The following DYTN variants were observed in gnomAD, a reference collection of about 807,000 sequenced individuals.
The protein encoded by DYTN is dystrotelin.
In DYTN, 75 loss-of-function variants were observed where a neutral mutation model predicts 69.6. The observed-to-expected ratio is 1.08, with a 90% CI of 0.89 to 1.31. The LOEUF (loss-of-function observed/expected upper bound fraction) is 1.31, where lower values mean the gene tolerates loss of function less well. DYTN is among the 50% of genes most tolerant of loss of function. The probability of loss-of-function intolerance (pLI) is 0.00; values close to 1 mark genes in which losing one functional copy is unlikely to be tolerated. For synonymous variants in DYTN, 252 were observed against 249.1 expected (o/e 1.01, Z -0.11); for missense variants, 726 against 688.4 (o/e 1.05, Z -0.61).
Position 206,699,812 on chromosome 2 carries a change from T to C in DYTN, c.634A>G (p.Thr212Ala). 1 of 1,613,766 alleles carries C rather than the reference T, an allele frequency of 6.2e-7. No homozygotes were observed. Among genetic ancestry groups the C allele is most frequent in the Non-Finnish European group, 8.5e-7 (1 of 1,179,806 alleles). The change falls in exon 7 of 12, where the codon ACC becomes GCC. Residue 212 changes from threonine to alanine, a missense_variant. Thr to Ala is a moderately conservative substitution (Grantham distance 58). Transcript: ENST00000452335. ...SEPPILLWLP[T>A]CHRLSAAERV... ...TCAGCAGCTGATAACCGGTGGCAGG[T>C]CGGGAGCCACAGGAGGATGGGAGGC... is the stretch of plus-strand genomic sequence containing the variant.
intron 1 of DYTN, among the ~76,000 whole-genome samples, chr2:206,713,474 G>T (rs577040375): frequency 1.1e-4 from 16 of 152,162 alleles, no homozygotes; most frequent in Non-Finnish European, 1.8e-4. Flanking sequence ...ATTAGCTTTG[G>T]TAAGAAGCCA....
chr2:206,683,642 C>T (rs1212862010), intron 9 of DYTN, among the ~76,000 whole-genome samples: 1 of 152,106 alleles, frequency 6.6e-6, no homozygotes, highest in Non-Finnish European at 1.5e-5. Context: ...CCGCGCCCTG[C>T]CTTATTTCTT....
chr2:206,711,014 A>G (rs1268133395), intron 1 of DYTN, among the ~76,000 whole-genome samples: 1 of 152,236 alleles, frequency 6.6e-6, no homozygotes, highest in Non-Finnish European at 1.5e-5. Flanking sequence ...TTTAGCCAAT[A>G]TTTATTGAGC....
At chr2:206,667,045 TA>T (rs2105889473) in intron 9 of DYTN, among the ~76,000 whole-genome samples, 1 of 152,130 alleles carries the variant, frequency 6.6e-6, no homozygotes, top group South Asian at 2.1e-4. Flanking sequence ...ACCCTGTCTC[TA>T]AAAAAATATG....
chr2:206,684,739 C>T (rs1422238470), intron 9 of DYTN, among the ~76,000 whole-genome samples: 4 of 152,030 alleles, frequency 2.6e-5, no homozygotes, highest in African/African-American at 9.7e-5. Context: ...TCACCCACCT[C>T]TTCTTCCCCA....
intron 6 of DYTN, 56 bp from the exon 7 acceptor site, chr2:206,699,946 T>C (rs1699959499): frequency 6.3e-7 from 1 of 1,576,510 alleles, no homozygotes; most frequent in Non-Finnish European, 8.6e-7. Flanking sequence ...ATATTTTCAT[T>C]TTCTTTTCTG....
chr2:206,657,958 T>G (rs1699468368), intron 11 of DYTN, among the ~76,000 whole-genome samples: 1 of 152,166 alleles, frequency 6.6e-6, no homozygotes. Flanking sequence ...TCTGACCCTT[T>G]CTTTCTCCTC....
intron 9 of DYTN, 58 bp from the exon 10 acceptor site, chr2:206,666,087 G>C: frequency 2.5e-6 from 4 of 1,579,854 alleles, no homozygotes; most frequent in Non-Finnish European, 3.4e-6. Flanking sequence ...ACACTAATTA[G>C]AGCCCTGGTA....
chr2:206,704,941 G>T lies in DYTN; in HGVS notation c.385C>A (p.Leu129Ile), dbSNP rs1256190647. Reference protein sequence around the residue: ...GDSPLSKYRALFQLYAENSRG... With the variant: ...GDSPLSKYRAIFQLYAENSRG... ...CTATTTTCTGCATAGAGTTGAAAAA[G>T]AGCTAGACATGTAGGAGGAACAATC... is the stretch of plus-strand genomic sequence containing the variant. The change falls in exon 5 of 12, where the codon CTT (leucine) becomes ATT (isoleucine). Residue 129 changes from leucine (L) to isoleucine (I), a missense_variant and splice_region_variant. Leu to Ile is a conservative substitution (Grantham distance 5). Coordinates refer to ENST00000452335, the MANE Select transcript of DYTN (RefSeq NM_001093730.1). 6.2e-7 allele frequency: 1 copy of T among 1,612,988 alleles called. No homozygotes were observed. Among genetic ancestry groups the T allele is most frequent in the Admixed American group, 1.7e-5 (1 of 59,966 alleles).
intron 9 of DYTN, among the ~76,000 whole-genome samples, chr2:206,669,430 T>G (rs1185484779): frequency 6.6e-6 from 1 of 152,204 alleles, no homozygotes; most frequent in Non-Finnish European, 1.5e-5. Flanking sequence ...TCATCCAAAT[T>G]ATTGATAAAA....
chr2:206,695,047 C>T lies in DYTN; in HGVS notation c.720-170G>A, dbSNP rs1300875735. Among the ~76,000 whole-genome samples, 4 of 152,114 alleles carry T rather than the reference C, an allele frequency of 2.6e-5. No homozygotes were observed. The South Asian group carries it at 6.2e-4, about 24-fold the overall frequency. On this transcript the variant is annotated intron_variant, in intron 7 of 11. Transcript: ENST00000452335. ...ATAGGATTATTAAATGACTCTAATG[C>T]GTTTGTTTACTCAAATACATCTTCA...
chr2:206,684,006 C>T (rs2105894664), intron 9 of DYTN, among the ~76,000 whole-genome samples: 1 of 151,102 alleles, frequency 6.6e-6, no homozygotes, highest in Admixed American at 6.6e-5. Context: ...GATATAATTC[C>T]TTTATATACC....
chr2:206,659,494 A>G (rs1699485170), intron 11 of DYTN, among the ~76,000 whole-genome samples: 1 of 149,916 alleles, frequency 6.7e-6, no homozygotes. Flanking sequence ...CAAAAAAAAA[A>G]AAAAAAAAAA....
intron 9 of DYTN, among the ~76,000 whole-genome samples, chr2:206,673,274 TTGAGATGGAGTCTTGCTC>T (rs1449510813): frequency 6.6e-6 from 1 of 152,224 alleles, no homozygotes; most frequent in Non-Finnish European, 1.5e-5. Flanking sequence ...TTTTTTATTT[TTGAGATGGAGTCTTGCTC>T]TGTCGCCTAG....
At position 206,662,980 on chromosome 2, in the gene DYTN, T is replaced by G. The variant is rs1699529571; in HGVS notation, c.1556A>C (p.Lys519Thr). ...CAGTTCCTCTTCCTCCAGCTCATCC[T>G]TTCTCTCCTTGATGTTACCTGCCTC... ...KKEAGNIKERKDELEEEELQE... is the reference protein window; with the variant it reads ...KKEAGNIKERTDELEEEELQE... The change falls in exon 11 of 12, where the codon AAG becomes ACG. Residue 519 changes from lysine to threonine, a missense_variant. Transcript: ENST00000452335. The G allele has an allele frequency of 1.2e-6, 2 of 1,613,770 alleles. No individual in the cohort carries two copies. The highest frequency in any genetic ancestry group is 1.3e-5 in the African/African-American group (1 of 74,878).
chr2:206,682,726 A>G (rs1699763603), intron 9 of DYTN, among the ~76,000 whole-genome samples: 2 of 152,060 alleles, frequency 1.3e-5, no homozygotes, highest in Non-Finnish European at 2.9e-5. Flanking sequence ...CTTGGTCAAT[A>G]TCTCCCTGTG....
At position 206,693,226 on chromosome 2, in the gene DYTN, T is replaced by A. The variant is rs1699884120; in HGVS notation, c.929A>T (p.Gln310Leu). 6.2e-6 allele frequency: 10 copies of A among 1,613,556 alleles called. No homozygotes were observed. The highest frequency in any genetic ancestry group is 1.7e-4 in the Middle Eastern group (1 of 6,060). The change falls in exon 9 of 12, where the codon CAG (glutamine) becomes CTG (leucine). Residue 310 changes from glutamine to leucine, a missense_variant. Physicochemically the swap from Gln to Leu is moderately radical, Grantham distance 113. Transcript: ENST00000452335. ...CTTTGGATTCACCTGGTCCAGCAGC[T>A]GCTGCCTTCTCGCTGCTTCTTTCTT... ...CRKKEAARRQ[Q>L]LLDQVNPKGV... is the part of the protein sequence containing the mutation.
intron 10 of DYTN, among the ~76,000 whole-genome samples, chr2:206,663,627 T>C (rs1699538024): frequency 6.6e-6 from 1 of 152,212 alleles, no homozygotes; most frequent in Non-Finnish European, 1.5e-5. Flanking sequence ...AGGGAATAAT[T>C]ACAAGAAATT....
chr2:206,699,083 T>C (rs781350331), intron 7 of DYTN, among the ~76,000 whole-genome samples: 2 of 152,192 alleles, frequency 1.3e-5, no homozygotes, highest in Non-Finnish European at 2.9e-5. Context: ...TTAACAAAAG[T>C]AGTGTTGTTA....
Sources: gnomAD v4.1 joint callset for allele counts (sites outside exome capture counted in the v4.1 genomes callset) on GRCh38, gnomAD v4.1.1 for gene constraint, MANE v1.5 for transcripts, NCBI Gene and HGNC (gene_info 2026-07-23, HGNC 2026-07-21) for gene names.